STK39: variants seen among roughly 807,000 people sequenced by gnomAD.
STK39 encodes STE20/SPS1-related proline-alanine-rich protein kinase.
Under a neutral mutation model 77.8 loss-of-function variants are expected in STK39, and 20 were observed. The observed-to-expected ratio is 0.26, with a 90% confidence interval of 0.18 to 0.37. STK39 has a LOEUF of 0.37. Among genes scored for constraint, STK39 ranks in the 10% least tolerant of loss-of-function variants. STK39 has a pLI of 1.00. For missense variants in STK39, 479 were observed against 656.5 expected (o/e 0.73, Z 2.95); for synonymous variants, 246 against 234.1 (o/e 1.05, Z -0.47).
intron 10 of STK39, among the ~76,000 whole-genome samples, chr2:168,125,094 C>T (rs974121527): frequency 1.2e-4 from 18 of 151,982 alleles, no homozygotes; most frequent in African/African-American, 4.4e-4. Flanking sequence ...GCACGTTCTG[C>T]ACATGTATCC....
chr2:168,038,252 T>A (rs1173341610), intron 14 of STK39, among the ~76,000 whole-genome samples: 1 of 151,840 alleles, frequency 6.6e-6, no homozygotes, highest in Non-Finnish European at 1.5e-5. Context: ...ATTTTTTGCA[T>A]CCCCCCAAGC....
intron 14 of STK39, among the ~76,000 whole-genome samples, chr2:168,033,251 A>G (rs1179947549): frequency 7.3e-6 from 1 of 136,960 alleles, no homozygotes; most frequent in East Asian, 2.0e-4. Flanking sequence ...CAGCAAAAAG[A>G]AAAAAAAAAA....
At chr2:167,959,681 T>C (rs547325651) in intron 17 of STK39, among the ~76,000 whole-genome samples, 2 of 152,308 alleles carry the variant, frequency 1.3e-5, no homozygotes, top group African/African-American at 4.8e-5. Flanking sequence ...ACTCAAAAGA[T>C]GTGTCCTGTA....
chr2:168,235,130 C>T (rs981330352), intron 1 of STK39, among the ~76,000 whole-genome samples: 3 of 151,562 alleles, frequency 2.0e-5, no homozygotes, highest in African/African-American at 2.4e-5. Flanking sequence ...CACCGCTTCT[C>T]GGGTTCAGGC....
chr2:168,080,502 T>C (rs113853756), intron 10 of STK39, among the ~76,000 whole-genome samples: 11,191 of 151,988 alleles, frequency 0.074, 718 homozygotes, highest in East Asian at 0.19. Flanking sequence ...TGGTGGCAGG[T>C]GCCTGTAGTC....
chr2:168,113,543 T>C (rs1559103504), intron 10 of STK39, among the ~76,000 whole-genome samples: 1 of 152,188 alleles, frequency 6.6e-6, no homozygotes, highest in African/African-American at 2.4e-5. Flanking sequence ...GAGAGGAAAG[T>C]AGCTTGTGAA....
chr2:168,103,499 G>A (rs1364823723), intron 10 of STK39, among the ~76,000 whole-genome samples: 1 of 152,116 alleles, frequency 6.6e-6, no homozygotes, highest in Non-Finnish European at 1.5e-5. Flanking sequence ...TTAGTAGGAG[G>A]GAAAATGCTT....
intron 5 of STK39, among the ~76,000 whole-genome samples, chr2:168,142,185 CCAGT>C (rs1440569916): frequency 2.0e-5 from 3 of 152,164 alleles, no homozygotes; most frequent in Non-Finnish European, 4.4e-5. Flanking sequence ...ATCTCTGGAA[CCAGT>C]CAGTCTCCTG....
chr2:168,161,636 A>G (rs1448197294), intron 5 of STK39, 151 bp downstream of exon 5: 1 of 539,258 alleles, frequency 1.9e-6, no homozygotes, highest in African/African-American at 2.0e-5. Context: ...AATAAGGAAA[A>G]TATGTTATCC....
At chr2:168,136,926 A>C (rs1481699626) in intron 8 of STK39, among the ~76,000 whole-genome samples, 1 of 152,272 alleles carries the variant, frequency 6.6e-6, no homozygotes, top group Non-Finnish European at 1.5e-5. Context: ...TCCCTTTTAC[A>C]ATAAATAATT....
chr2:168,238,980 A>G (rs1324928132), intron 1 of STK39, among the ~76,000 whole-genome samples: 1 of 152,204 alleles, frequency 6.6e-6, no homozygotes, highest in Non-Finnish European at 1.5e-5. Context: ...TTTCCCAAAA[A>G]GTACACTGTA....
chr2:168,212,330 G>A (rs916603185), intron 1 of STK39, among the ~76,000 whole-genome samples: 1 of 152,122 alleles, frequency 6.6e-6, no homozygotes, highest in Non-Finnish European at 1.5e-5. Flanking sequence ...TCACCTGCAG[G>A]GAAAGAGCAC....
rs114608409 is a variant in STK39 at position 168,001,218 on chromosome 2, C to T, written c.1498+11416G>A. 7.4e-3 allele frequency among the ~76,000 whole-genome samples: 1,100 copies of T among 148,636 alleles called. 23 individuals carry two copies. Among genetic ancestry groups the T allele is most frequent in the African/African-American group, 0.026 (1,058 of 40,066 alleles). ...CCAAGAACAAAATTGGAAAATATCACATGTATCCCCCAAATATGTGCAACT... is the reference window on the plus strand; with the variant it reads ...CCAAGAACAAAATTGGAAAATATCATATGTATCCCCCAAATATGTGCAACT... On this transcript the variant is annotated intron_variant, in intron 16 of 17. Coordinates refer to ENST00000355999, the MANE Select transcript of STK39 (RefSeq NM_013233.3).
intron 16 of STK39, among the ~76,000 whole-genome samples, chr2:168,005,817 A>G (rs540349461): frequency 3.3e-5 from 5 of 152,184 alleles, no homozygotes; most frequent in Non-Finnish European, 7.3e-5. Flanking sequence ...GGTGACATGT[A>G]TGGTAAGTCT....
intron 5 of STK39, among the ~76,000 whole-genome samples, chr2:168,154,137 A>C (rs770796560): frequency 1.3e-5 from 2 of 152,238 alleles, no homozygotes; most frequent in Non-Finnish European, 2.9e-5. Context: ...GATAGGATGT[A>C]GGGTCCAAGA....
chr2:167,962,928 T>TG (rs549800793), intron 17 of STK39, among the ~76,000 whole-genome samples: 1 of 152,042 alleles, frequency 6.6e-6, no homozygotes, highest in Non-Finnish European at 1.5e-5. Context: ...AGATGTGAAA[T>TG]GGGCCTACTA....
At chr2:168,035,774 G>A (rs1302964826) in intron 14 of STK39, among the ~76,000 whole-genome samples, 3 of 152,158 alleles carry the variant, frequency 2.0e-5, no homozygotes, top group Non-Finnish European at 4.4e-5. Flanking sequence ...GCAAAAAGGT[G>A]TCTAATGTGC....
At chr2:168,138,609 T>G (rs1231830345) in intron 7 of STK39, among the ~76,000 whole-genome samples, 1 of 152,150 alleles carries the variant, frequency 6.6e-6, no homozygotes, top group Non-Finnish European at 1.5e-5. Flanking sequence ...TACAGGTCAT[T>G]CATAAGTAAG....
At chr2:168,013,793 G>GGT (rs4000936) in intron 15 of STK39, among the ~76,000 whole-genome samples, 16,087 of 147,330 alleles carry the variant, frequency 0.11, 984 homozygotes, top group South Asian at 0.19. Flanking sequence ...TAAGTGGGCT[G>GGT]GTGTGTGTGT....
Sources: gnomAD v4.1 joint callset for allele counts (sites outside exome capture counted in the v4.1 genomes callset) on GRCh38, gnomAD v4.1.1 for gene constraint, MANE v1.5 for transcripts, NCBI Gene and HGNC (gene_info 2026-07-23, HGNC 2026-07-21) for gene names.